The following OVGP1 variants were observed in gnomAD, a reference collection of about 807,000 sequenced individuals.
OVGP1 encodes oviductal glycoprotein 1.
Under a neutral mutation model 48.2 loss-of-function variants are expected in OVGP1, and 26 were observed. The observed-to-expected ratio is 0.54, with a 90% confidence interval of 0.40 to 0.75. The LOEUF is 0.75. Among genes scored for constraint, OVGP1 ranks in the 30% least tolerant of loss-of-function variants. The pLI is 0.00. For synonymous variants in OVGP1, 294 were observed against 305.7 expected (o/e 0.96, Z 0.40); for missense variants, 791 against 820.6 (o/e 0.96, Z 0.44).
At position 111,414,664 on chromosome 1, in the gene OVGP1, G is replaced by A. The variant is rs1301531311; in HGVS notation, c.1837C>T (p.Gln613Ter). 1.9e-6 allele frequency: 3 copies of A among 1,614,184 alleles called. No homozygotes were observed. The highest frequency in any genetic ancestry group is 2.5e-6 in the Non-Finnish European group (3 of 1,180,026). ...THPRMGNLGL[Q>*]MEAENRMMLS... ...ATCATCCTGTTTTCAGCTTCCATCTGAAGACCCAAGTTACCCATCCTGGGG... is the reference window on the plus strand; with the variant it reads ...ATCATCCTGTTTTCAGCTTCCATCTAAAGACCCAAGTTACCCATCCTGGGG... Residue 613 changes from glutamine (Q) to a stop codon, truncating the protein, a stop_gained, in exon 11 of 11, where the codon CAG (glutamine) becomes TAG (stop). Transcript: ENST00000369732. LOFTEE classifies it low-confidence loss of function (END_TRUNC).
rs200093742 is a variant in OVGP1, at chr1:111,421,376, C to T, written c.803G>A (p.Arg268His). 233 of 1,613,974 alleles carry T rather than the reference C, an allele frequency of 1.4e-4. 1 individual carries two copies. Among genetic ancestry groups the T allele is most frequent in the Non-Finnish European group, 5.9e-5 (70 of 1,180,004 alleles). ...CCCATTCTTAGAGGCTTTGAGGAGG[C>T]GAAAGGTACGTCCATAGGTGGGGAT... Reference protein sequence around the residue: ...MGIPTYGRTFRLLKASKNGLQ... With the variant: ...MGIPTYGRTFHLLKASKNGLQ... Residue 268 changes from arginine to histidine, a missense_variant, in exon 8 of 11, where the codon CGC (arginine) becomes CAC (histidine). Physicochemically the swap from Arg to His is conservative, Grantham distance 29 (BLOSUM62 0). Coordinates refer to ENST00000369732, the MANE Select transcript of OVGP1 (RefSeq NM_002557.4).
intron 9 of OVGP1, among the ~76,000 whole-genome samples, chr1:111,419,316 G>A (rs1181748511): frequency 6.6e-6 from 1 of 152,192 alleles, no homozygotes. Flanking sequence ...TATGAAATTA[G>A]CTGGTCCAAA....
At chr1:111,426,016 C>A (rs1652388948) in intron 3 of OVGP1, among the ~76,000 whole-genome samples, 1 of 152,204 alleles carries the variant, frequency 6.6e-6, no homozygotes, top group African/African-American at 2.4e-5. Context: ...GACCTAGCCA[C>A]TGGGGATACA....
intron 1 of OVGP1, 196 bp from the exon 2 acceptor site, chr1:111,427,287 T>C (rs2101730408): frequency 7.1e-6 from 7 of 985,366 alleles, no homozygotes; most frequent in Non-Finnish European, 8.4e-6. Context: ...TAGATATAAG[T>C]TCCTTTTCTT....
intron 6 of OVGP1, among the ~76,000 whole-genome samples, 183 bp downstream of exon 6, chr1:111,422,744 C>T (rs1354787482): frequency 6.6e-6 from 1 of 152,154 alleles, no homozygotes; most frequent in Admixed American, 6.5e-5. Flanking sequence ...AAGAAACCCT[C>T]AGGGTATAAT....
At chr1:111,419,138 C>A (rs577459891) in intron 9 of OVGP1, among the ~76,000 whole-genome samples, 2 of 152,176 alleles carry the variant, frequency 1.3e-5, no homozygotes, top group African/African-American at 2.4e-5. Context: ...CTTCTTTGAA[C>A]CTGCTATAAG....
intron 4 of OVGP1, among the ~76,000 whole-genome samples, chr1:111,424,178 G>C (rs889706695): frequency 7.2e-5 from 11 of 152,216 alleles, no homozygotes; most frequent in Admixed American, 7.2e-4. Context: ...GGGCCAGCAT[G>C]TCCAGAAACA....
Position 111,425,369 on chromosome 1 carries a change from C to G in OVGP1, c.317+14G>C. The G allele has an allele frequency of 6.2e-7, 1 of 1,613,590 alleles. No homozygotes were observed. Among genetic ancestry groups the G allele is most frequent in the Non-Finnish European group, 8.5e-7 (1 of 1,179,764 alleles). On this transcript the variant is annotated intron_variant, in intron 4 of 10. Coordinates refer to ENST00000369732, the MANE Select transcript of OVGP1 (RefSeq NM_002557.4). ...CACCCTCCCAGGGAGAAGAGAATAA[C>G]AGCAAAGTCTCACCTTGAGGTGCCA...
intron 1 of OVGP1, chr1:111,427,331 C>T: frequency 1.0e-6 from 1 of 985,324 alleles, no homozygotes; most frequent in Non-Finnish European, 1.2e-6. Context: ...CATGCTTTGC[C>T]CAGGGACAAT....
Position 111,414,861 on chromosome 1 carries a change from A to G in OVGP1, c.1640T>C (p.Met547Thr). 6.3e-7 allele frequency: 1 copy of G among 1,595,708 alleles called. No individual in the cohort carries two copies. The change falls in exon 11 of 11, where the codon ATG (methionine) becomes ACG (threonine). Residue 547 changes from methionine to threonine, a missense_variant. Physicochemically the swap from Met to Thr is moderately conservative, Grantham distance 81 (BLOSUM62 -1). Transcript: ENST00000369732. ...CTCAGTCTGAAAATGGACAGGGGTCATAGTCGTTCCTCCAGGGCTCACAGA... is the reference window on the plus strand; with the variant it reads ...CTCAGTCTGAAAATGGACAGGGGTCGTAGTCGTTCCTCCAGGGCTCACAGA... ...HQSVSPGGTTMTPVHFQTETL... is the reference protein window; with the variant it reads ...HQSVSPGGTTTTPVHFQTETL...
intron 1 of OVGP1, 145 bp from the exon 2 acceptor site, chr1:111,427,236 A>AT (rs1276107727): frequency 6.7e-7 from 1 of 1,492,944 alleles, no homozygotes; most frequent in Non-Finnish European, 8.9e-7. Flanking sequence ...CACACACACC[A>AT]TTTACTCGTT....
At chr1:111,418,726 C>T (rs1158396742) in intron 9 of OVGP1, among the ~76,000 whole-genome samples, 1 of 152,214 alleles carries the variant, frequency 6.6e-6, no homozygotes, top group Admixed American at 6.5e-5. Flanking sequence ...ACGCCCAGAG[C>T]TCCCAAAATG....
chr1:111,419,432 C>A (rs1033508194), intron 9 of OVGP1, among the ~76,000 whole-genome samples, 178 bp downstream of exon 9: 4 of 152,204 alleles, frequency 2.6e-5, no homozygotes, highest in Non-Finnish European at 4.4e-5. Context: ...AGACTTGGAA[C>A]AGATGGGATT....
chr1:111,418,204 G>A (rs17528242), intron 9 of OVGP1, among the ~76,000 whole-genome samples: 12,975 of 152,152 alleles, frequency 0.085, 760 homozygotes, highest in Non-Finnish European at 0.12. Context: ...AGTTCTGCAA[G>A]TTACAGTAAC....
chr1:111,414,443 G>A lies in OVGP1; in HGVS notation c.*21C>T. On this transcript the variant is annotated 3_prime_UTR_variant, in exon 11 of 11. Transcript: ENST00000369732. ...AGAAGAAAAGACAAGGGTTTTCCCT[G>A]GTTTCTGACACCAGAGGGGCTTAGG... 1 of 1,578,020 alleles carries A rather than the reference G, an allele frequency of 6.3e-7. No homozygotes were observed. The highest frequency in any genetic ancestry group is 8.6e-7 in the Non-Finnish European group (1 of 1,161,648).
rs1652415764 is a variant in OVGP1, at chr1:111,426,984, G to A, written c.55+78C>T. ...CAGAGAAGCCAGGGCAAGGTGGGCT[G>A]CAGGGGACACTCAATGTGGAGGACT... On this transcript the variant is annotated intron_variant, in intron 2 of 10. Coordinates refer to ENST00000369732, the MANE Select transcript of OVGP1 (RefSeq NM_002557.4). 6 of 1,611,172 alleles carry A rather than the reference G, an allele frequency of 3.7e-6. No individual in the cohort carries two copies. The East Asian group carries it at 6.7e-5, about 18-fold the overall frequency.
chr1:111,421,112 AG>A (rs1296572938), intron 8 of OVGP1, among the ~76,000 whole-genome samples, 163 bp downstream of exon 8: 2 of 152,184 alleles, frequency 1.3e-5, no homozygotes, highest in Non-Finnish European at 2.9e-5. Context: ...CTTACCTCAA[AG>A]AAAAAGAAAA....
chr1:111,416,612 T>C lies in OVGP1; in HGVS notation c.1021-154A>G, dbSNP rs878902327. 8 of 525,884 alleles carry C rather than the reference T, an allele frequency of 1.5e-5. No individual in the cohort carries two copies. In the Admixed American group the frequency reaches 3.1e-4, roughly 20 times the overall value. 32.6% of individuals were successfully genotyped at this position (525,884 alleles called of 1,614,324 possible). ...AATCTAGCTTTTACTGTTTATTAGC[T>C]ATGGGATCCTGAAGAAGTTATGTAA... On this transcript the variant is annotated intron_variant, in intron 9 of 10. Transcript: ENST00000369732.
Position 111,415,202 on chromosome 1 carries a change from A to G in OVGP1, c.1299T>C (p.Thr433=). 1 of 1,614,128 alleles carries G rather than the reference A, an allele frequency of 6.2e-7. No individual in the cohort carries two copies. Among genetic ancestry groups the G allele is most frequent in the Non-Finnish European group, 8.5e-7 (1 of 1,179,976 alleles). The change falls in exon 11 of 11, where the codon ACT becomes ACC. Residue 433 remains threonine (T), a synonymous_variant. Coordinates refer to ENST00000369732, the MANE Select transcript of OVGP1 (RefSeq NM_002557.4). ...ILPPGGEAGV[T]EIHGKCENMT... ...TATTTTCACACTTTCCGTGGATCTC[A>G]GTGACCCCAGCCTCTCCTCCTGGGG...
Sources: gnomAD v4.1 joint callset for allele counts (sites outside exome capture counted in the v4.1 genomes callset) on GRCh38, gnomAD v4.1.1 for gene constraint, MANE v1.5 for transcripts, NCBI Gene and HGNC (gene_info 2026-07-23, HGNC 2026-07-21) for gene names.